Variants in SORBS2 observed in about 807,000 individuals in gnomAD.
SORBS2 encodes sorbin and SH3 domain containing 2, also known as sorbin and SH3 domain-containing protein 2.
SORBS2 carries 46 observed loss-of-function variants against 97.7 expected under a neutral mutation model. That is an observed-to-expected ratio of 0.47 (90% CI 0.37 to 0.60). The LOEUF is 0.60. SORBS2 is among the 20% of genes least tolerant of loss of function. The probability of loss-of-function intolerance (pLI) is 0.00; values close to 1 mark genes in which losing one functional copy is unlikely to be tolerated. For synonymous variants in SORBS2, 476 were observed against 473.4 expected (o/e 1.01, Z -0.07); for missense variants, 1,316 against 1,282.3 (o/e 1.03, Z -0.40).
chr4:185,848,736 C>T (rs1283848878), intron 1 of SORBS2, among the ~76,000 whole-genome samples: 2 of 147,836 alleles, frequency 1.4e-5, no homozygotes, highest in East Asian at 4.0e-4. Context: ...CCTCAGCCTC[C>T]CAAGTAGCTG....
Position 185,606,238 on chromosome 4 carries a change from G to A in SORBS2, c.2796+5542C>T. ...TCACTGGGTTTTGACGATTAAAGAT[G>A]TGGAGTTTTTAGAATAGTGTCTGAT... is the stretch of plus-strand genomic sequence containing the variant. On this transcript the variant is annotated intron_variant, in intron 12 of 14. Coordinates refer to ENST00000418609, the Ensembl canonical transcript of SORBS2. The surrounding 1 kb of genome is among the most constrained non-coding windows in gnomAD (Gnocchi z 4.3). The A allele has an allele frequency of 1.0e-6, 1 of 985,310 alleles. No homozygotes were observed. The highest frequency in any genetic ancestry group is 1.2e-6 in the Non-Finnish European group (1 of 829,864). 61.0% of individuals were successfully genotyped at this position (985,310 alleles called of 1,614,324 possible).
At chr4:185,888,031 G>A (rs1378312378) in intron 1 of SORBS2, among the ~76,000 whole-genome samples, 1 of 149,272 alleles carries the variant, frequency 6.7e-6, no homozygotes, top group Non-Finnish European at 1.5e-5. Flanking sequence ...ATTATTGGAA[G>A]CATAAACTGT....
intron 1 of SORBS2, among the ~76,000 whole-genome samples, chr4:185,827,952 ATCG>A (rs2099202742): frequency 5.4e-5 from 2 of 37,094 alleles, no homozygotes; most frequent in Non-Finnish European, 1.5e-4. Context: ...CATCATCATC[ATCG>A]TCACCATCAT....
In SORBS2 at chr4:185,704,686, G is replaced by GAAACA. The variant is rs1299643916; in HGVS notation, c.-197-25865_-197-25864insTGTTT. On this transcript the variant is annotated intron_variant, in intron 2 of 20. Coordinates refer to the SORBS2 transcript ENST00000284776. ...CCCATTCTACTCCACAAATTACCCTGGATGTTCCCTCTCCCTCAACTCTCC... is the reference window on the plus strand; with the variant it reads ...CCCATTCTACTCCACAAATTACCCTGAAACAGATGTTCCCTCTCCCTCAACTCTCC... 1.2e-3 allele frequency among the ~76,000 whole-genome samples: 181 copies of GAAACA among 151,968 alleles called. 2 individuals carry two copies. The highest frequency in any genetic ancestry group is 4.1e-3 in the African/African-American group (171 of 41,258).
exon 5 of SORBS2, chr4:185,662,158 A>G: frequency 4.3e-6 from 7 of 1,614,108 alleles, no homozygotes; most frequent in Non-Finnish European, 5.9e-6. Context: ...GCTGGGAGAG[A>G]ATATGCCGAG....
At chr4:185,821,548 C>T (rs1029469064) in intron 1 of SORBS2, among the ~76,000 whole-genome samples, 5 of 152,146 alleles carry the variant, frequency 3.3e-5, no homozygotes, top group Non-Finnish European at 5.9e-5. Flanking sequence ...CTCAGCCTCC[C>T]GAGTAGCTGG....
chr4:185,795,460 C>A (rs2099100405), intron 1 of SORBS2, among the ~76,000 whole-genome samples: 1 of 152,122 alleles, frequency 6.6e-6, no homozygotes. Context: ...CCTGCCCAGC[C>A]TCTCTCTGAA....
At chr4:185,903,580 T>A (rs1334330030) in intron 1 of SORBS2, among the ~76,000 whole-genome samples, 1 of 152,164 alleles carries the variant, frequency 6.6e-6, no homozygotes, top group Non-Finnish European at 1.5e-5. Context: ...CTCTCCCCCC[T>A]GCCACCGCCA....
chr4:185,608,777 G>A (rs2096482593), intron 12 of SORBS2, among the ~76,000 whole-genome samples: 1 of 152,100 alleles, frequency 6.6e-6, no homozygotes, highest in Admixed American at 6.5e-5. Context: ...TTTCACTTTA[G>A]GTCTCTCCAG....
intron 10 of SORBS2, 27 bp downstream of exon 22, chr4:185,615,018 T>C: frequency 6.2e-7 from 1 of 1,613,028 alleles, no homozygotes; most frequent in Non-Finnish European, 8.5e-7. Context: ...ACCACCGCCA[T>C]CCAAGAGAGA....
chr4:185,856,593 C>T (rs2099220657), intron 1 of SORBS2, among the ~76,000 whole-genome samples: 1 of 151,990 alleles, frequency 6.6e-6, no homozygotes, highest in Non-Finnish European at 1.5e-5. Context: ...ATTCTATTTT[C>T]CTTTACTATG....
At chr4:185,909,111 A>G (rs1489590866) in intron 1 of SORBS2, among the ~76,000 whole-genome samples, 1 of 152,236 alleles carries the variant, frequency 6.6e-6, no homozygotes, top group East Asian at 1.9e-4. Flanking sequence ...TGTTTACTGT[A>G]GCAGTACTCA....
chr4:185,605,237 G>A (rs538333597), intron 12 of SORBS2, among the ~76,000 whole-genome samples: 1 of 152,306 alleles, frequency 6.6e-6, no homozygotes, highest in South Asian at 2.1e-4. Flanking sequence ...ATAATTGCCA[G>A]TAATTATACT....
chr4:185,741,011 A>G (rs1382392503), intron 2 of SORBS2, among the ~76,000 whole-genome samples: 1 of 151,838 alleles, frequency 6.6e-6, no homozygotes, highest in Non-Finnish European at 1.5e-5. Flanking sequence ...GCACCAACTC[A>G]AACCAGCACC....
exon 7 of SORBS2, chr4:185,624,087 G>A: frequency 6.2e-7 from 1 of 1,614,182 alleles, no homozygotes; most frequent in Non-Finnish European, 8.5e-7. Context: ...GGGGCGTTGC[G>A]GGCTGACCTG....
chr4:185,901,452 C>A (rs2099247731), intron 1 of SORBS2, among the ~76,000 whole-genome samples: 1 of 152,158 alleles, frequency 6.6e-6, no homozygotes, highest in Non-Finnish European at 1.5e-5. Context: ...GATGCGCCCG[C>A]CTCGGCCTCC....
At chr4:185,675,866 T>C (rs540496204) in intron 4 of SORBS2, among the ~76,000 whole-genome samples, 93 of 152,346 alleles carry the variant, frequency 6.1e-4, no homozygotes, top group Non-Finnish European at 1.2e-3. Flanking sequence ...GGTATGATAA[T>C]ACCAGCTTGT....
intron 1 of SORBS2, among the ~76,000 whole-genome samples, chr4:185,834,002 T>C (rs748542307): frequency 1.4e-4 from 22 of 152,318 alleles, no homozygotes; most frequent in Non-Finnish European, 8.8e-5. Context: ...TGAACATAAA[T>C]TATGACATTG....
At chr4:185,872,345 G>A (rs1291260483) in intron 1 of SORBS2, among the ~76,000 whole-genome samples, 1 of 152,156 alleles carries the variant, frequency 6.6e-6, no homozygotes, top group Admixed American at 6.5e-5. Flanking sequence ...TTAGAGGTGT[G>A]ACCCTGGGCA....
Sources: gnomAD v4.1 joint callset for allele counts (sites outside exome capture counted in the v4.1 genomes callset) on GRCh38, gnomAD v4.1.1 for gene constraint, Gnocchi (gnomAD v3.1) non-coding constraint, MANE v1.5 for transcripts, NCBI Gene and HGNC (gene_info 2026-07-23, HGNC 2026-07-21) for gene names.